Variants in FRAS1 observed in about 807,000 individuals in gnomAD.
FRAS1 encodes extracellular matrix organizing protein FRAS1.
A neutral mutation model predicts 435.2 loss-of-function variants in FRAS1; 290 were observed. The ratio of observed to expected loss-of-function variants is 0.67; its 90% CI spans 0.61 to 0.73. The LOEUF is 0.73. Ranked by LOEUF, FRAS1 falls within the 30% of genes least tolerant of loss-of-function variation. The pLI is 0.00. For missense variants in FRAS1, 4,860 were observed against 5,001.5 expected (o/e 0.97, Z 0.85); for synonymous variants, 1,800 against 1,851.0 (o/e 0.97, Z 0.71).
At chr4:78,521,233 A>C (rs576620261) in intron 67 of FRAS1, among the ~76,000 whole-genome samples, 7 of 152,322 alleles carry the variant, frequency 4.6e-5, no homozygotes, top group African/African-American at 1.7e-4. Flanking sequence ...AAGAAGTTTT[A>C]AGATTCATTT....
intron 14 of FRAS1, among the ~76,000 whole-genome samples, chr4:78,306,001 C>T (rs994892683): frequency 7.2e-5 from 11 of 151,874 alleles, no homozygotes; most frequent in East Asian, 1.9e-4. Flanking sequence ...TGGCTGGTAC[C>T]GGTTGTTCCT....
At chr4:78,415,646 C>T (rs1439322403) in intron 32 of FRAS1, among the ~76,000 whole-genome samples, 1 of 152,112 alleles carries the variant, frequency 6.6e-6, no homozygotes, top group East Asian at 1.9e-4. Flanking sequence ...ACAGGTTGTT[C>T]AGTTGGCTGG....
At chr4:78,347,312 A>G (rs1177554559) in intron 20 of FRAS1, among the ~76,000 whole-genome samples, 1 of 152,214 alleles carries the variant, frequency 6.6e-6, no homozygotes, top group Non-Finnish European at 1.5e-5. Context: ...CTTAGATGAC[A>G]GCCTCGTTTT....
chr4:78,231,592 A>T (rs1390317220), intron 2 of FRAS1, among the ~76,000 whole-genome samples: 1 of 152,124 alleles, frequency 6.6e-6, no homozygotes, highest in African/African-American at 2.4e-5. Context: ...TTAATCAATA[A>T]TTAAAGTAGG....
intron 41 of FRAS1, among the ~76,000 whole-genome samples, chr4:78,442,427 A>T (rs1347088907): frequency 6.6e-6 from 1 of 152,238 alleles, no homozygotes; most frequent in East Asian, 1.9e-4. Flanking sequence ...AAGGCAGAAA[A>T]GTCTGAGAAA....
In FRAS1 at chr4:78,507,517, T is replaced by C; in HGVS notation, c.9413T>C (p.Val3138Ala). The change falls in exon 62 of 74, where the codon GTG becomes GCG. Residue 3138 changes from valine to alanine, a missense_variant. Coordinates refer to ENST00000512123, the MANE Select transcript of FRAS1 (RefSeq NM_025074.7). ...FSLVLGPDDP[V>A]EAVLGDVTTA... ...CTAGTCCTTGGCCCAGATGACCCAG[T>C]GGAAGCAGTTCTTGGGGATGTGACT... is the stretch of plus-strand genomic sequence containing the variant. 1 of 1,612,372 alleles carries C rather than the reference T, an allele frequency of 6.2e-7. No individual in the cohort carries two copies.
rs77444803 is a variant in FRAS1 at position 78,418,297 on chromosome 4, G to A, written c.4426-652G>A. 4.6e-3 allele frequency among the ~76,000 whole-genome samples: 696 copies of A among 152,308 alleles called. 1 individual carries two copies. Among genetic ancestry groups the A allele is most frequent in the Admixed American group, 8.6e-3 (132 of 15,288 alleles). ...TTAAACCTCTGAATGCAAATGGTGA[G>A]CCTTTTTTGGTGTTTGGGGTGGGTT... On this transcript the variant is annotated intron_variant, in intron 32 of 73. Coordinates refer to ENST00000512123, the MANE Select transcript of FRAS1 (RefSeq NM_025074.7).
chr4:78,520,355 C>T (rs905071453), intron 67 of FRAS1, among the ~76,000 whole-genome samples: 2 of 151,882 alleles, frequency 1.3e-5, no homozygotes, highest in Non-Finnish European at 2.9e-5. Context: ...TGCTCCCATC[C>T]TCCCTGTTTT....
intron 2 of FRAS1, among the ~76,000 whole-genome samples, chr4:78,099,097 A>G (rs1034478056): frequency 6.6e-6 from 1 of 152,214 alleles, no homozygotes; most frequent in African/African-American, 2.4e-5. Flanking sequence ...TTTAGTTTAT[A>G]AGGGCTCCCC....
chr4:78,251,565 ACAT>A (rs1725533119), intron 4 of FRAS1, among the ~76,000 whole-genome samples: 1 of 151,698 alleles, frequency 6.6e-6, no homozygotes, highest in Non-Finnish European at 1.5e-5. Flanking sequence ...GCCTTGGCCA[ACAT>A]CTCCCTAGCC....
rs868075925 is a variant in FRAS1 at position 78,206,787 on chromosome 4, G to A, written c.109-30723G>A. 3.9e-5 allele frequency among the ~76,000 whole-genome samples: 6 copies of A among 152,298 alleles called. No individual in the cohort carries two copies. The South Asian group carries it at 1.2e-3, about 32-fold the overall frequency. ...AACCCATTTTATAGATGACTTAACT[G>A]GGTGCAAAGTCTTGGCCTCCTGACT... On this transcript the variant is annotated intron_variant, in intron 2 of 73. Transcript: ENST00000512123.
chr4:78,499,203 G>A (rs1560413972), intron 60 of FRAS1, among the ~76,000 whole-genome samples: 1 of 152,180 alleles, frequency 6.6e-6, no homozygotes, highest in Non-Finnish European at 1.5e-5. Flanking sequence ...AGGATGGGGA[G>A]GTGAGAGCAC....
Position 78,364,054 on chromosome 4 carries a change from C to G in FRAS1, c.2722C>G (p.Pro908Ala), listed in dbSNP as rs779749121. 4.4e-6 allele frequency: 7 copies of G among 1,577,998 alleles called. No individual in the cohort carries two copies. In the South Asian group the frequency reaches 8.1e-5, roughly 18 times the overall value. The part of the protein sequence containing the change: ...HYLDDNHVCQ[P>A]CNTHCGSCDS... ...TCTTGATGACAATCATGTTTGCCAG[C>G]GTAGGTTTTTCCAATGAACCTTCTC... Residue 908 changes from proline to alanine, a missense_variant and splice_region_variant, in exon 22 of 74, where the codon CCA becomes GCA. Coordinates refer to ENST00000512123, the MANE Select transcript of FRAS1 (RefSeq NM_025074.7).
At chr4:78,196,534 T>G (rs984018939) in intron 2 of FRAS1, among the ~76,000 whole-genome samples, 1 of 152,228 alleles carries the variant, frequency 6.6e-6, no homozygotes, top group African/African-American at 2.4e-5. Flanking sequence ...CCTTATTTAC[T>G]CTTATTTTGC....
At chr4:78,486,840 T>C (rs1026717479) in intron 58 of FRAS1, among the ~76,000 whole-genome samples, 7 of 151,306 alleles carry the variant, frequency 4.6e-5, no homozygotes, top group Admixed American at 3.3e-4. Context: ...ATTTTTTTTT[T>C]TTTTTTTTTT....
chr4:78,430,180 C>T, intron 36 of FRAS1, 112 bp from the exon 37 acceptor site: 2 of 1,257,228 alleles, frequency 1.6e-6, no homozygotes, highest in South Asian at 2.5e-5. Context: ...TTTCTGATAA[C>T]AATCAGATTA....
At chr4:78,450,468 C>A in intron 45 of FRAS1, 129 bp downstream of exon 45, 1 of 731,214 alleles carries the variant, frequency 1.4e-6, no homozygotes, top group Non-Finnish European at 2.3e-6. Flanking sequence ...TTCATTTGTT[C>A]TCTTCCTTGT....
chr4:78,376,029 CTT>C (rs1731747608), intron 26 of FRAS1, 150 bp downstream of exon 26: 3 of 826,394 alleles, frequency 3.6e-6, no homozygotes, highest in Admixed American at 3.0e-5. Context: ...GTAAGGGACT[CTT>C]TATAGAATAT....
At chr4:78,373,374 G>C (rs6817887) in intron 24 of FRAS1, among the ~76,000 whole-genome samples, 27,707 of 151,246 alleles carry the variant, frequency 0.18, 3,015 homozygotes, top group East Asian at 0.33. Flanking sequence ...GAGTATTCCT[G>C]GGGGACTGAA....
Sources: allele counts gnomAD v4.1 joint callset (sites outside exome capture counted in the v4.1 genomes callset), GRCh38; gene constraint gnomAD v4.1.1; transcripts MANE v1.5; gene names NCBI Gene and HGNC (gene_info 2026-07-23, HGNC 2026-07-21).